The following SGCG variants were observed in gnomAD, a reference collection of about 807,000 sequenced individuals.
The protein encoded by SGCG is sarcoglycan gamma.
Under a neutral mutation model 29.3 loss-of-function variants are expected in SGCG, and 26 were observed. The ratio of observed to expected loss-of-function variants is 0.89; its 90% CI spans 0.65 to 1.23. SGCG has a LOEUF of 1.23. Among genes scored for constraint, SGCG ranks in the 50% most tolerant of loss-of-function variants. The pLI is 0.00. For missense variants in SGCG, 353 were observed against 356.0 expected, an observed-to-expected ratio of 0.99 and a Z score of 0.07; for synonymous variants, 145 against 129.7, an observed-to-expected ratio of 1.12 and a Z score of -0.80.
chr13:23,181,457 A>G (rs1418394209), intron 1 of SGCG, among the ~76,000 whole-genome samples: 4 of 152,230 alleles, frequency 2.6e-5, no homozygotes, highest in Non-Finnish European at 4.4e-5. Flanking sequence ...TAGTGGTAGA[A>G]TTACATTTGC....
At chr13:23,319,296 T>A (rs541505047) in intron 6 of SGCG, among the ~76,000 whole-genome samples, 3 of 120,062 alleles carry the variant, frequency 2.5e-5, no homozygotes, top group Non-Finnish European at 5.6e-5. Flanking sequence ...CAAGACTCCG[T>A]CTCAAAAAAA....
chr13:23,160,908 T>C, the SGCG span, among the ~76,000 whole-genome samples: 1 of 152,200 alleles, frequency 6.6e-6, no homozygotes, highest in Admixed American at 6.5e-5. Flanking sequence ...TTGGCTTTTC[T>C]TTGCCCAAAG....
At chr13:23,173,029 T>C in the SGCG span, among the ~76,000 whole-genome samples, 1 of 152,230 alleles carries the variant, frequency 6.6e-6, no homozygotes, top group African/African-American at 2.4e-5. Flanking sequence ...CCGCCCACTT[T>C]CTGAACCAAT....
intron 6 of SGCG, 67 bp downstream of exon 6, chr13:23,295,554 A>G (rs1323347446): frequency 2.8e-6 from 3 of 1,082,332 alleles, no homozygotes; most frequent in East Asian, 2.4e-5. Context: ...TGCTGGAATA[A>G]TGTTAGCAGT....
At chr13:23,217,113 CT>C (rs754265822) in intron 2 of SGCG, among the ~76,000 whole-genome samples, 30 of 152,236 alleles carry the variant, frequency 2.0e-4, no homozygotes, top group Non-Finnish European at 3.7e-4. Flanking sequence ...AATTAAGAGA[CT>C]ACTGTTCCAA....
the SGCG span, among the ~76,000 whole-genome samples, chr13:23,162,217 T>C: frequency 6.6e-6 from 1 of 152,252 alleles, no homozygotes; most frequent in Non-Finnish European, 1.5e-5. Context: ...TAAATATGTA[T>C]ACACATATAT....
chr13:23,312,910 G>C (rs996840429), intron 6 of SGCG, among the ~76,000 whole-genome samples: 1 of 152,064 alleles, frequency 6.6e-6, no homozygotes, highest in African/African-American at 2.4e-5. Context: ...TTTAGTCTTA[G>C]TGCTGAGTAC....
chr13:23,223,876 G>GA (rs1566006474), intron 2 of SGCG, among the ~76,000 whole-genome samples: 1 of 152,178 alleles, frequency 6.6e-6, no homozygotes, highest in African/African-American at 2.4e-5. Flanking sequence ...TGAGGCAAGA[G>GA]AATCGCTTGA....
At chr13:23,204,461 A>G (rs972423933) in intron 2 of SGCG, among the ~76,000 whole-genome samples, 2 of 152,176 alleles carry the variant, frequency 1.3e-5, no homozygotes, top group Non-Finnish European at 2.9e-5. Flanking sequence ...AAAAAATGCT[A>G]AATGTAGAAT....
chr13:23,291,344 AC>A (rs5802224), intron 5 of SGCG, among the ~76,000 whole-genome samples: 34,737 of 151,938 alleles, frequency 0.23, 4,105 homozygotes, highest in South Asian at 0.38. Context: ...TTCATTTTCC[AC>A]AAAGAAGAGG....
intron 3 of SGCG, among the ~76,000 whole-genome samples, chr13:23,243,220 G>GTCTCACATAACA (rs1879575738): frequency 6.6e-6 from 1 of 152,164 alleles, no homozygotes; most frequent in South Asian, 2.1e-4. Context: ...ACAGGAAGCT[G>GTCTCACATAACA]GAGGGGGCAG....
intron 6 of SGCG, among the ~76,000 whole-genome samples, chr13:23,303,675 A>G (rs1386973574): frequency 6.6e-6 from 1 of 152,210 alleles, no homozygotes; most frequent in Non-Finnish European, 1.5e-5. Flanking sequence ...GCTCCCCTAT[A>G]TATGGGCACC....
intron 6 of SGCG, among the ~76,000 whole-genome samples, chr13:23,316,718 C>T (rs559874410): frequency 3.9e-5 from 6 of 152,248 alleles, no homozygotes; most frequent in East Asian, 1.9e-4. Context: ...CCTGTTCCTG[C>T]GACATTACGT....
the SGCG span, among the ~76,000 whole-genome samples, chr13:23,161,181 T>C: frequency 6.6e-6 from 1 of 152,158 alleles, no homozygotes; most frequent in Non-Finnish European, 1.5e-5. Context: ...TGGGATTACA[T>C]AATAACTTGA....
chr13:23,166,545 T>TGAC, the SGCG span, among the ~76,000 whole-genome samples: 1 of 152,152 alleles, frequency 6.6e-6, no homozygotes, highest in Non-Finnish European at 1.5e-5. Flanking sequence ...TCTCTCAAAT[T>TGAC]TGCCATAGCA....
chr13:23,207,152 G>GA (rs1208632748), intron 2 of SGCG, among the ~76,000 whole-genome samples: 1 of 152,044 alleles, frequency 6.6e-6, no homozygotes, highest in African/African-American at 2.4e-5. Flanking sequence ...AGAGATCCCA[G>GA]AAAAAAATCC....
At chr13:23,164,565 A>G in the SGCG span, among the ~76,000 whole-genome samples, 2 of 152,176 alleles carry the variant, frequency 1.3e-5, no homozygotes, top group African/African-American at 4.8e-5. Flanking sequence ...TGCAGGCTGT[A>G]CAGGAAGCAT....
chr13:23,299,421 TATATATATATATATATATATATATA>T (rs1882037352), intron 6 of SGCG, among the ~76,000 whole-genome samples: 2 of 3,150 alleles, frequency 6.3e-4, no homozygotes, highest in Non-Finnish European at 2.0e-3. Flanking sequence ...TATATATATA[TATATATATATATATATATATATATA>T]TATATATATA....
At chr13:23,278,961 A>G (rs150306006) in intron 4 of SGCG, among the ~76,000 whole-genome samples, 7 of 152,294 alleles carry the variant, frequency 4.6e-5, no homozygotes, top group African/African-American at 1.7e-4. Flanking sequence ...CATTAAAGTG[A>G]GCCATTCGTA....
Sources: allele counts gnomAD v4.1 joint callset (sites outside exome capture counted in the v4.1 genomes callset), GRCh38; gene constraint gnomAD v4.1.1; transcripts MANE v1.5; gene names NCBI Gene and HGNC (gene_info 2026-07-23, HGNC 2026-07-21).